The following ROBO2 variants were observed in gnomAD, a reference collection of about 807,000 sequenced individuals.
ROBO2 encodes the protein roundabout homolog 2.
A neutral mutation model predicts 160.8 loss-of-function variants in ROBO2; 53 were observed. That is an observed-to-expected ratio of 0.33 (90% confidence interval 0.26 to 0.41). The LOEUF (loss-of-function observed/expected upper bound fraction) is 0.41. Among genes scored for constraint, ROBO2 ranks in the 10% least tolerant of loss-of-function variants. The probability of loss-of-function intolerance (pLI) is 1.00; values close to 1 mark genes in which losing one functional copy is unlikely to be tolerated. For synonymous variants in ROBO2, 664 were observed against 611.7 expected (o/e 1.09, Z -1.26); for missense variants, 1,577 against 1,722.4 (o/e 0.92, Z 1.49).
intron 2 of ROBO2, among the ~76,000 whole-genome samples, chr3:77,220,647 G>T (rs975347550): frequency 1.3e-5 from 2 of 152,108 alleles, no homozygotes; most frequent in Admixed American, 1.3e-4. Flanking sequence ...TAATCTTCTA[G>T]TTGAACCATT....
intron 21 of ROBO2, 127 bp downstream of exon 22, chr3:77,608,081 C>T (rs542516562): frequency 3.7e-6 from 3 of 817,750 alleles, no homozygotes; most frequent in South Asian, 1.5e-5. Flanking sequence ...CATTGCATTT[C>T]CCCCTCTTTC....
chr3:77,058,287 C>T (rs1282442858), intron 1 of ROBO2, among the ~76,000 whole-genome samples: 2 of 152,030 alleles, frequency 1.3e-5, no homozygotes, highest in Non-Finnish European at 2.9e-5. Context: ...GTATAATACA[C>T]TAATGTTTAG....
At chr3:76,063,418 T>C (rs1323607220) in intron 2 of ROBO2, among the ~76,000 whole-genome samples, 1 of 150,784 alleles carries the variant, frequency 6.6e-6, no homozygotes, top group African/African-American at 2.4e-5. Flanking sequence ...TGAGGGCTCA[T>C]TGCAGCCTTG....
chr3:76,257,265 A>G (rs1012488963), intron 2 of ROBO2, among the ~76,000 whole-genome samples: 3 of 151,754 alleles, frequency 2.0e-5, no homozygotes, highest in African/African-American at 7.3e-5. Context: ...TCTTAAATCA[A>G]AGTTTCTTCT....
intron 2 of ROBO2, among the ~76,000 whole-genome samples, chr3:77,410,501 CTCT>C (rs1464679412): frequency 1.4e-4 from 17 of 118,914 alleles, no homozygotes; most frequent in South Asian, 8.8e-4. Flanking sequence ...CCTCCTCCTC[CTCT>C]TCCTCCTCTT....
At chr3:77,099,069 T>G (rs1304335052) in intron 2 of ROBO2, among the ~76,000 whole-genome samples, 1 of 108,290 alleles carries the variant, frequency 9.2e-6, no homozygotes, top group Admixed American at 1.1e-4. Flanking sequence ...TTTTCTTTCT[T>G]TCTTTTTTTT....
chr3:77,637,121 C>T (rs1169028152), intron 24 of ROBO2, among the ~76,000 whole-genome samples: 2 of 151,964 alleles, frequency 1.3e-5, no homozygotes, highest in Non-Finnish European at 2.9e-5. Context: ...TAAAATATAC[C>T]CTAGATATTC....
intron 2 of ROBO2, among the ~76,000 whole-genome samples, chr3:77,193,630 C>A (rs1380404434): frequency 6.6e-6 from 1 of 151,974 alleles, no homozygotes; most frequent in Non-Finnish European, 1.5e-5. Context: ...GCTAATTGGG[C>A]CATGACCTTG....
intron 2 of ROBO2, among the ~76,000 whole-genome samples, chr3:76,912,269 C>G (rs2076037705): frequency 6.6e-6 from 1 of 152,082 alleles, no homozygotes; most frequent in Non-Finnish European, 1.5e-5. Context: ...TGTCAAATCA[C>G]AAGTGAAAAT....
exon 26 of ROBO2, chr3:77,647,740 C>T (rs1583501904): frequency 6.6e-6 from 1 of 152,178 alleles, no homozygotes; most frequent in South Asian, 2.1e-4. Context: ...TCAAATTTTT[C>T]CTATGATAAG....
chr3:77,468,198 C>T (rs1351381771), intron 2 of ROBO2, among the ~76,000 whole-genome samples: 3 of 152,182 alleles, frequency 2.0e-5, no homozygotes, highest in African/African-American at 7.2e-5. Flanking sequence ...AATGGATAGG[C>T]TATGCAGATC....
At chr3:77,637,032 A>G (rs1194401372) in intron 24 of ROBO2, among the ~76,000 whole-genome samples, 2 of 152,234 alleles carry the variant, frequency 1.3e-5, no homozygotes. Flanking sequence ...GCACACAAAC[A>G]TTATCCTAAC....
chr3:76,826,368 T>G (rs982215992), intron 2 of ROBO2, among the ~76,000 whole-genome samples: 2 of 152,146 alleles, frequency 1.3e-5, no homozygotes, highest in South Asian at 2.1e-4. Context: ...TGCCCATTGC[T>G]GCAGAGATAT....
intron 2 of ROBO2, among the ~76,000 whole-genome samples, chr3:77,175,230 C>T (rs2080028417): frequency 6.6e-6 from 1 of 152,026 alleles, no homozygotes; most frequent in Non-Finnish European, 1.5e-5. Context: ...CTGTGCCTGG[C>T]CACTATTCTT....
At chr3:77,488,457 A>T (rs1212416004) in intron 4 of ROBO2, among the ~76,000 whole-genome samples, 4 of 152,176 alleles carry the variant, frequency 2.6e-5, no homozygotes, top group Admixed American at 6.5e-5. Context: ...AACATGAAAA[A>T]ATCAGTGACC....
intron 2 of ROBO2, among the ~76,000 whole-genome samples, chr3:77,414,579 A>G (rs750794734): frequency 3.9e-5 from 6 of 152,256 alleles, no homozygotes; most frequent in Non-Finnish European, 4.4e-5. Context: ...GTACTTGAGC[A>G]GACAAAACAA....
intron 2 of ROBO2, among the ~76,000 whole-genome samples, chr3:76,722,572 G>T (rs2093482792): frequency 6.6e-6 from 1 of 152,072 alleles, no homozygotes; most frequent in African/African-American, 2.4e-5. Flanking sequence ...CCACTTAAAT[G>T]AAACCTGGTG....
At chr3:77,631,461 T>G (rs1220089307) in intron 23 of ROBO2, 2 of 152,196 alleles carry the variant, frequency 1.3e-5, no homozygotes, top group Non-Finnish European at 2.9e-5. Flanking sequence ...AATTAGTTTC[T>G]TACAAATATT....
chr3:77,374,500 C>A (rs926563376), intron 2 of ROBO2, among the ~76,000 whole-genome samples: 1 of 152,030 alleles, frequency 6.6e-6, no homozygotes, highest in Non-Finnish European at 1.5e-5. Flanking sequence ...ACCTTTTTGG[C>A]CTTAAATAAT....
Sources: allele counts gnomAD v4.1 joint callset (sites outside exome capture counted in the v4.1 genomes callset), GRCh38; gene constraint gnomAD v4.1.1; transcripts MANE v1.5; gene names NCBI Gene and HGNC (gene_info 2026-07-23, HGNC 2026-07-21).